XYLT1: variants seen among roughly 807,000 people sequenced by gnomAD.
The protein encoded by XYLT1 is xylosyltransferase 1, also known as beta-D-xylosyltransferase 1.
XYLT1 carries 36 observed loss-of-function variants against 91.3 expected under a neutral mutation model. The ratio of observed to expected loss-of-function variants is 0.39; its 90% confidence interval spans 0.30 to 0.52. The LOEUF is 0.52. Among genes scored for constraint, XYLT1 ranks in the 20% least tolerant of loss-of-function variants. The pLI, the probability that XYLT1 is intolerant of heterozygous loss-of-function variation, is 0.68. For missense variants in XYLT1, 1,242 were observed against 1,284.5 expected (o/e 0.97, Z 0.51); for synonymous variants, 588 against 532.0 (o/e 1.11, Z -1.45).
At chr16:17,460,341 T>C (rs1178514065) in intron 1 of XYLT1, among the ~76,000 whole-genome samples, 1 of 152,182 alleles carries the variant, frequency 6.6e-6, no homozygotes, top group Non-Finnish European at 1.5e-5. Flanking sequence ...GCGGAATGCA[T>C]GATTCTATTT....
Position 17,207,697 on chromosome 16 carries a change from G to A in XYLT1, c.914-7043C>T, listed in dbSNP as rs1357440336. ...GTGGACCCTTGCTCAGCAGCACCAA[G>A]CCCTGCTGGGAGGAATCAGTCAACG... On this transcript the variant is annotated intron_variant, in intron 3 of 11. Transcript: ENST00000261381. Among the ~76,000 whole-genome samples the A allele has an allele frequency of 5.9e-5, 9 of 152,266 alleles. No individual in the cohort carries two copies. The East Asian group carries it at 7.8e-4, about 13-fold the overall frequency.
At position 17,278,188 on chromosome 16, in the gene XYLT1, G is replaced by C. The variant is rs972219546; in HGVS notation, c.403-18690C>G. 3.4e-4 allele frequency among the ~76,000 whole-genome samples: 52 copies of C among 152,116 alleles called. 2 individuals are homozygous for C. Among genetic ancestry groups the C allele is most frequent in the Non-Finnish European group, 4.4e-5 (3 of 68,014 alleles). On this transcript the variant is annotated intron_variant, in intron 2 of 11. Transcript: ENST00000261381. ...GCCGTGCCCAGACTTCTGAAGTCTG[G>C]CTGGATTCAGACACCGAACTCCCTT...
At chr16:17,252,944 T>C (rs1369303866) in intron 3 of XYLT1, among the ~76,000 whole-genome samples, 1 of 152,212 alleles carries the variant, frequency 6.6e-6, no homozygotes, top group Non-Finnish European at 1.5e-5. Flanking sequence ...TATGCTTATA[T>C]GTATATGAAT....
At chr16:17,180,456 A>C (rs1165285177) in intron 5 of XYLT1, among the ~76,000 whole-genome samples, 1 of 152,178 alleles carries the variant, frequency 6.6e-6, no homozygotes, top group East Asian at 1.9e-4. Flanking sequence ...AGACTGAGAA[A>C]GGGTGGCAAT....
chr16:17,464,306 C>T (rs1437965107), intron 1 of XYLT1, among the ~76,000 whole-genome samples: 2 of 151,898 alleles, frequency 1.3e-5, no homozygotes, highest in Admixed American at 6.6e-5. Flanking sequence ...CTGGCCAACA[C>T]GGCAAAACCT....
chr16:17,157,499 T>C (rs1256450869), intron 6 of XYLT1, among the ~76,000 whole-genome samples: 1 of 152,198 alleles, frequency 6.6e-6, no homozygotes, highest in Non-Finnish European at 1.5e-5. Context: ...AGGCACAGAC[T>C]TAATGGACCT....
At chr16:17,409,017 C>A (rs1474446519) in intron 1 of XYLT1, among the ~76,000 whole-genome samples, 1 of 152,098 alleles carries the variant, frequency 6.6e-6, no homozygotes, top group Admixed American at 6.6e-5. Flanking sequence ...AAACAATGTG[C>A]CCATAATGAC....
chr16:17,106,679 C>G lies in XYLT1; in HGVS notation c.*2016G>C, dbSNP rs918725039. On this transcript the variant is annotated 3_prime_UTR_variant, in exon 12 of 12. Transcript: ENST00000261381. Reference sequence around the variant, plus strand: ...CAAACTCTCTGCAGCTAGCACATTCCCCACTCACCCTCCACGTTTTCTGCC... The same window carrying G: ...CAAACTCTCTGCAGCTAGCACATTCGCCACTCACCCTCCACGTTTTCTGCC... 1 of 152,184 alleles carries G rather than the reference C, an allele frequency of 6.6e-6. No homozygotes were observed. Among genetic ancestry groups the G allele is most frequent in the African/African-American group, 2.4e-5 (1 of 41,416 alleles). The allele number at this position is 152,184 out of a possible 1,614,324, so 9.4% of individuals were successfully genotyped here.
At chr16:17,234,126 C>T (rs973886588) in intron 3 of XYLT1, among the ~76,000 whole-genome samples, 3 of 152,106 alleles carry the variant, frequency 2.0e-5, no homozygotes, top group Non-Finnish European at 4.4e-5. Flanking sequence ...AACAGTGAGG[C>T]GGGTACTGCT....
intron 10 of XYLT1, among the ~76,000 whole-genome samples, chr16:17,123,881 T>C (rs1393357708): frequency 6.6e-6 from 1 of 152,226 alleles, no homozygotes; most frequent in African/African-American, 2.4e-5. Flanking sequence ...TTTATCATTA[T>C]ATAATGTCCC....
intron 1 of XYLT1, among the ~76,000 whole-genome samples, chr16:17,388,432 C>T (rs2035774875): frequency 6.6e-6 from 1 of 152,020 alleles, no homozygotes. Context: ...ATGAACAGGG[C>T]CTCAGGAACT....
intron 2 of XYLT1, among the ~76,000 whole-genome samples, chr16:17,337,778 T>C (rs2035005069): frequency 1.5e-5 from 2 of 135,756 alleles, no homozygotes; most frequent in African/African-American, 6.4e-5. Flanking sequence ...ATTTTTTCTT[T>C]TTCTTTTTTT....
At chr16:17,136,133 A>G (rs2030710094) in intron 8 of XYLT1, among the ~76,000 whole-genome samples, 1 of 152,242 alleles carries the variant, frequency 6.6e-6, no homozygotes, top group Non-Finnish European at 1.5e-5. Context: ...CAATGGACTT[A>G]TGTCATTACC....
At chr16:17,467,165 C>A (rs751860048) in intron 1 of XYLT1, among the ~76,000 whole-genome samples, 1 of 151,880 alleles carries the variant, frequency 6.6e-6, no homozygotes, top group Non-Finnish European at 1.5e-5. Context: ...GGGCGGCAGG[C>A]GGGGGGTGGG....
chr16:17,376,784 G>GC (rs1168467469), intron 1 of XYLT1, among the ~76,000 whole-genome samples: 1 of 130,158 alleles, frequency 7.7e-6, no homozygotes, highest in African/African-American at 3.0e-5. Context: ...CCGAGATTGT[G>GC]CCATTGCATT....
intron 2 of XYLT1, among the ~76,000 whole-genome samples, chr16:17,344,479 G>A (rs932247405): frequency 3.3e-4 from 48 of 146,328 alleles, no homozygotes; most frequent in African/African-American, 1.2e-3. Context: ...GGTGACAGAA[G>A]GAGACTCCAT....
intron 2 of XYLT1, among the ~76,000 whole-genome samples, chr16:17,357,622 A>C (rs541650252): frequency 6.6e-6 from 1 of 152,344 alleles, no homozygotes; most frequent in East Asian, 1.9e-4. Context: ...AAGGAATAAA[A>C]GTCCTCCAAG....
At chr16:17,130,026 T>A (rs959422960) in intron 9 of XYLT1, among the ~76,000 whole-genome samples, 1 of 152,242 alleles carries the variant, frequency 6.6e-6, no homozygotes, top group African/African-American at 2.4e-5. Flanking sequence ...CATTTCTGTT[T>A]GCTTTCTTGC....
At chr16:17,272,754 C>T (rs953124355) in intron 2 of XYLT1, among the ~76,000 whole-genome samples, 2 of 152,184 alleles carry the variant, frequency 1.3e-5, no homozygotes, top group Admixed American at 6.5e-5. Flanking sequence ...GCCAGTGTCC[C>T]CTTAGCCCTC....
Sources: gnomAD v4.1 joint callset for allele counts (sites outside exome capture counted in the v4.1 genomes callset) on GRCh38, gnomAD v4.1.1 for gene constraint, MANE v1.5 for transcripts, NCBI Gene and HGNC (gene_info 2026-07-23, HGNC 2026-07-21) for gene names.